Variants in SCGB2A1 observed in about 807,000 individuals in gnomAD.
The protein encoded by SCGB2A1 is mammaglobin-B.
In SCGB2A1, 6 loss-of-function variants were observed where a neutral mutation model predicts 9.2. That is an observed-to-expected ratio of 0.66 (90% CI 0.36 to 1.29). The LOEUF (loss-of-function observed/expected upper bound fraction) is 1.29. Ranked by LOEUF, SCGB2A1 falls within the 50% of genes most tolerant of loss-of-function variation. SCGB2A1 has a pLI of 0.03. For missense variants in SCGB2A1, 138 were observed against 116.9 expected (o/e 1.18, Z -0.83); for synonymous variants, 37 against 41.0 (o/e 0.90, Z 0.37).
intron 2 of SCGB2A1, among the ~76,000 whole-genome samples, chr11:62,211,334 A>G (rs1236939034): frequency 8.9e-6 from 1 of 112,896 alleles, no homozygotes; most frequent in Non-Finnish European, 2.0e-5. Context: ...AATATTCAAA[A>G]CATTCTTATT....
At chr11:62,211,034 C>G (rs1944826879) in intron 2 of SCGB2A1, among the ~76,000 whole-genome samples, 1 of 151,568 alleles carries the variant, frequency 6.6e-6, no homozygotes, top group Non-Finnish European at 1.5e-5. Flanking sequence ...AGAGATTTGC[C>G]TGCCTCCACC....
intron 2 of SCGB2A1, chr11:62,213,387 G>A: frequency 5.1e-6 from 1 of 196,702 alleles, no homozygotes; most frequent in Admixed American, 5.6e-5. Context: ...TGTAAAAGTG[G>A]TATCAGAAAC....
At position 62,212,980 on chromosome 11, in the gene SCGB2A1, G is replaced by A. The variant is rs922579516; in HGVS notation, c.244-746G>A. Among the ~76,000 whole-genome samples the A allele has an allele frequency of 2.6e-3, 354 of 137,722 alleles. 3 individuals carry two copies. Among genetic ancestry groups the A allele is most frequent in the African/African-American group, 9.7e-3 (335 of 34,480 alleles). The allele number at this position is 137,722 out of a possible 152,430, so 90.4% of individuals were successfully genotyped here. ...TGTACACATATGTACACATATATGTGCACATATACATGCATATATGTACAC... is the reference window on the plus strand; with the variant it reads ...TGTACACATATGTACACATATATGTACACATATACATGCATATATGTACAC... On this transcript the variant is annotated intron_variant, in intron 2 of 2. Coordinates refer to ENST00000244930, the MANE Select transcript of SCGB2A1 (RefSeq NM_002407.3).
chr11:62,210,158 T>C (rs973230699), intron 1 of SCGB2A1, among the ~76,000 whole-genome samples: 1 of 152,150 alleles, frequency 6.6e-6, no homozygotes, highest in Non-Finnish European at 1.5e-5. Flanking sequence ...ACACCTCATT[T>C]CTCGAGGGTC....
chr11:62,210,406 T>C lies in SCGB2A1; in HGVS notation c.56-7T>C. ...TGTGTCTTTTTTTTTTTTTTTTTTT[T>C]TTCCAGATTCTGGCTGCAAACTCCT... On this transcript the variant is annotated splice_region_variant and splice_polypyrimidine_tract_variant and intron_variant, in intron 1 of 2. Coordinates refer to ENST00000244930, the MANE Select transcript of SCGB2A1 (RefSeq NM_002407.3). The C allele has an allele frequency of 3.4e-6, 5 of 1,472,546 alleles. No homozygotes were observed. The highest frequency in any genetic ancestry group is 4.5e-6 in the Non-Finnish European group (5 of 1,121,382). 91.2% of individuals were successfully genotyped at this position (1,472,546 alleles called of 1,614,324 possible).
chr11:62,213,448 G>C (rs1255509506), intron 2 of SCGB2A1: 3 of 357,428 alleles, frequency 8.4e-6, no homozygotes, highest in Non-Finnish European at 1.5e-5. Context: ...ATATTTATTG[G>C]ATAAGTTATT....
chr11:62,210,383 T>A (rs767961478), intron 1 of SCGB2A1, 30 bp from the exon 2 acceptor site: 4 of 1,496,984 alleles, frequency 2.7e-6, no homozygotes, highest in Non-Finnish European at 3.5e-6. Flanking sequence ...CATGTTCTTG[T>A]GTCTTTTTTT....
intron 1 of SCGB2A1, among the ~76,000 whole-genome samples, chr11:62,210,120 T>C (rs2463841): frequency 0.95 from 144,493 of 152,244 alleles, 69,004 homozygotes; most frequent in East Asian, 1. Flanking sequence ...AAAGTCCAAG[T>C]AGTGTTTGCT....
At chr11:62,208,856 C>CA (rs1317388092) in intron 1 of SCGB2A1, 70 bp downstream of exon 1, 1 of 1,490,792 alleles carries the variant, frequency 6.7e-7, no homozygotes, top group Admixed American at 1.7e-5. Context: ...GAAGAACTCC[C>CA]AACCTCTAAT....
At chr11:62,213,023 C>CACATATAT (rs1316451734) in intron 2 of SCGB2A1, among the ~76,000 whole-genome samples, 6 of 53,174 alleles carry the variant, frequency 1.1e-4, no homozygotes, top group Admixed American at 8.8e-4. Context: ...CACATATATA[C>CACATATAT]ATATATACAC....
At chr11:62,209,799 C>A (rs565083894) in intron 1 of SCGB2A1, among the ~76,000 whole-genome samples, 1 of 152,066 alleles carries the variant, frequency 6.6e-6, no homozygotes, top group Non-Finnish European at 1.5e-5. Context: ...CTCAGCCTCC[C>A]GAGTAGCTGG....
chr11:62,212,910 A>ATC, intron 2 of SCGB2A1, among the ~76,000 whole-genome samples: 1 of 144,146 alleles, frequency 6.9e-6, no homozygotes, highest in African/African-American at 2.9e-5. Flanking sequence ...ATATATATAC[A>ATC]TATATATACA....
chr11:62,210,061 C>G (rs1294372119), intron 1 of SCGB2A1, among the ~76,000 whole-genome samples: 1 of 152,150 alleles, frequency 6.6e-6, no homozygotes, highest in East Asian at 1.9e-4. Flanking sequence ...GAAACCCTAC[C>G]TGATGCTGGG....
chr11:62,212,496 G>C (rs564670694), intron 2 of SCGB2A1, among the ~76,000 whole-genome samples: 1 of 151,682 alleles, frequency 6.6e-6, no homozygotes, highest in East Asian at 2.0e-4. Flanking sequence ...TTAGCTAGGC[G>C]TGGTGGCGCA....
intron 2 of SCGB2A1, among the ~76,000 whole-genome samples, chr11:62,212,995 T>TATGTACACACATATGTACACAC: frequency 8.4e-6 from 1 of 118,992 alleles, no homozygotes; most frequent in African/African-American, 3.1e-5. Context: ...TATACATGCA[T>TATGTACACACATATGTACACAC]ATATGTACAC....
intron 1 of SCGB2A1, among the ~76,000 whole-genome samples, chr11:62,209,497 C>T (rs905894763): frequency 3.3e-5 from 5 of 152,168 alleles, no homozygotes; most frequent in African/African-American, 1.2e-4. Context: ...GGGTGACAAG[C>T]TCACAGTCAA....
chr11:62,213,582 G>A, intron 2 of SCGB2A1, 144 bp from the exon 3 acceptor site: 1 of 707,064 alleles, frequency 1.4e-6, no homozygotes, highest in Non-Finnish European at 2.4e-6. Context: ...TAAATGGAGA[G>A]GGGATGCTGG....
chr11:62,208,899 C>G, intron 1 of SCGB2A1, 113 bp downstream of exon 1: 1 of 1,057,230 alleles, frequency 9.5e-7, no homozygotes, highest in Non-Finnish European at 1.4e-6. Flanking sequence ...TGTGAAGGGC[C>G]TGGGTGCGAT....
intron 2 of SCGB2A1, among the ~76,000 whole-genome samples, chr11:62,211,189 T>C (rs1944828523): frequency 6.6e-6 from 1 of 151,420 alleles, no homozygotes; most frequent in South Asian, 2.1e-4. Context: ...CTCCCAGAGT[T>C]CTGAGATTAC....
Sources: gnomAD v4.1 joint callset for allele counts (sites outside exome capture counted in the v4.1 genomes callset) on GRCh38, gnomAD v4.1.1 for gene constraint, MANE v1.5 for transcripts, NCBI Gene and HGNC (gene_info 2026-07-23, HGNC 2026-07-21) for gene names.